PCDHGA11: variants seen among roughly 807,000 people sequenced by gnomAD.
PCDHGA11 encodes the protein protocadherin gamma-A11.
In PCDHGA11, 39 loss-of-function variants were observed where a neutral mutation model predicts 60.4. The observed-to-expected ratio is 0.65, with a 90% confidence interval of 0.50 to 0.84. The LOEUF is 0.84. PCDHGA11 is among the 40% of genes least tolerant of loss of function. The probability of loss-of-function intolerance (pLI) is 0.00; values close to 1 mark genes in which losing one functional copy is unlikely to be tolerated. For missense variants in PCDHGA11, 1,165 were observed against 1,197.7 expected, an observed-to-expected ratio of 0.97 and a Z score of 0.40; for synonymous variants, 533 against 510.3, an observed-to-expected ratio of 1.04 and a Z score of -0.60.
chr5:141,469,676 A>G (rs1227075639), intron 1 of PCDHGA11, among the ~76,000 whole-genome samples: 1 of 152,250 alleles, frequency 6.6e-6, no homozygotes, highest in African/African-American at 2.4e-5. Context: ...ATAAAACTAC[A>G]TATGCATTGG....
chr5:141,486,608 G>A lies in PCDHGA11; in HGVS notation c.2434-8199G>A. On this transcript the variant is annotated intron_variant, in intron 1 of 3. Transcript: ENST00000398587. The surrounding 1 kb of genome is among the most constrained non-coding windows in gnomAD (Gnocchi z 5.0). ...AGGGGACCTGCTTTGCTCCCTTGCAGCCTCTGACCCAGACTCTGGCTTGAA... is the reference window on the plus strand; with the variant it reads ...AGGGGACCTGCTTTGCTCCCTTGCAACCTCTGACCCAGACTCTGGCTTGAA... 3 of 1,613,546 alleles carry A rather than the reference G, an allele frequency of 1.9e-6. No homozygotes were observed. The highest frequency in any genetic ancestry group is 2.5e-6 in the Non-Finnish European group (3 of 1,180,024).
intron 1 of PCDHGA11, among the ~76,000 whole-genome samples, chr5:141,482,052 T>G (rs2099551017): frequency 6.7e-6 from 1 of 150,154 alleles, no homozygotes; most frequent in Non-Finnish European, 1.5e-5. Flanking sequence ...GCTGTTGCAT[T>G]CCAGCCTGGG....
At chr5:141,465,779 G>A (rs1199779963) in intron 1 of PCDHGA11, among the ~76,000 whole-genome samples, 2 of 145,170 alleles carry the variant, frequency 1.4e-5, no homozygotes, top group African/African-American at 5.0e-5. Flanking sequence ...TCTTGTTACA[G>A]TTTTTTTTTT....
rs769641310 is a variant in PCDHGA11, at chr5:141,477,421, T to G, written c.2434-17386T>G. 1.7e-5 allele frequency: 28 copies of G among 1,614,172 alleles called. No individual in the cohort carries two copies. Among genetic ancestry groups the G allele is most frequent in the Non-Finnish European group, 2.3e-5 (27 of 1,180,028 alleles). On this transcript the variant is annotated intron_variant, in intron 1 of 3. Coordinates refer to ENST00000398587, the MANE Select transcript of PCDHGA11 (RefSeq NM_018914.3). The surrounding 1 kb of genome is among the most constrained non-coding windows in gnomAD (Gnocchi z 4.9). ...TCACCGCCCGAGACGCCGGAACCCC[T>G]TCCCTCTCAGCCCTTACAATAGTGC...
Position 141,485,449 on chromosome 5 carries a change from A to G in PCDHGA11, c.2434-9358A>G, listed in dbSNP as rs2099613844. 6.2e-7 allele frequency: 1 copy of G among 1,614,054 alleles called. No homozygotes were observed. The highest frequency in any genetic ancestry group is 2.2e-5 in the East Asian group (1 of 44,876). On this transcript the variant is annotated intron_variant, in intron 1 of 3. Coordinates refer to ENST00000398587, the MANE Select transcript of PCDHGA11 (RefSeq NM_018914.3). The surrounding 1 kb of genome is among the most constrained non-coding windows in gnomAD (Gnocchi z 5.7). ...TGCTCATCAAGAACCCAATCGACCG[A>G]GAGGCACTGTGTGGGCTCAGTGCCA...
rs767107885 is a variant in PCDHGA11, at chr5:141,423,138, C to T, written c.1911C>T (p.Asp637=). ...VRTARALLDR[D]ALKQSLVVAV... is the part of the protein sequence containing the mutation. ...CAGCGCGGGCACTGCTGGACAGAGA[C>T]GCGCTCAAGCAGAGCCTCGTGGTGG... Residue 637 remains aspartate, a synonymous_variant, in exon 1 of 4, where the codon GAC becomes GAT. Transcript: ENST00000398587. 2.5e-6 allele frequency: 4 copies of T among 1,613,606 alleles called. 1 individual carries two copies. The highest frequency in any genetic ancestry group is 3.4e-6 in the Non-Finnish European group (4 of 1,179,912).
rs933089146 is a variant in PCDHGA11, at chr5:141,490,786, A to G, written c.2434-4021A>G. ...GTATGTCAACCCAGAGGATGGACGGATCTTTGCCCAGCGTACCTTTGACTA... is the reference window on the plus strand; with the variant it reads ...GTATGTCAACCCAGAGGATGGACGGGTCTTTGCCCAGCGTACCTTTGACTA... On this transcript the variant is annotated intron_variant, in intron 1 of 3. Coordinates refer to ENST00000398587, the MANE Select transcript of PCDHGA11 (RefSeq NM_018914.3). This position sits in a 1 kb window ranked among gnomAD's most constrained non-coding sequence, Gnocchi z 5.4. The G allele has an allele frequency of 1.9e-6, 3 of 1,614,056 alleles. No individual in the cohort carries two copies. The highest frequency in any genetic ancestry group is 1.7e-5 in the Admixed American group (1 of 60,016).
chr5:141,465,836 A>G (rs974075792), intron 1 of PCDHGA11, among the ~76,000 whole-genome samples: 1 of 151,774 alleles, frequency 6.6e-6, no homozygotes, highest in East Asian at 1.9e-4. Context: ...TAAAATTTCA[A>G]CTGAGGCTGG....
At chr5:141,510,799 C>G in intron 3 of PCDHGA11, 148 bp from the exon 4 acceptor site, 1 of 1,481,460 alleles carries the variant, frequency 6.8e-7, no homozygotes. Context: ...TGAAGAGAGA[C>G]TACCTTGGTG....
chr5:141,448,763 A>AC (rs1372638258), intron 1 of PCDHGA11, among the ~76,000 whole-genome samples: 11 of 151,572 alleles, frequency 7.3e-5, no homozygotes, highest in Admixed American at 5.3e-4. Flanking sequence ...ACACGGTGAA[A>AC]CCCCGTCTGT....
In PCDHGA11 at chr5:141,502,614, T is replaced by C. The variant is rs534996288; in HGVS notation, c.2493-2779T>C. Among the ~76,000 whole-genome samples the C allele has an allele frequency of 7.2e-5, 11 of 152,316 alleles. No homozygotes were observed. In the East Asian group the frequency reaches 1.7e-3, roughly 24 times the overall value. ...AGATATTTTAAAATATTTGTGAAAATATAAGTAATCTGTGGATGATACTTT... is the reference window on the plus strand; with the variant it reads ...AGATATTTTAAAATATTTGTGAAAACATAAGTAATCTGTGGATGATACTTT... On this transcript the variant is annotated intron_variant, in intron 2 of 3. Transcript: ENST00000398587.
intron 1 of PCDHGA11, chr5:141,428,109 G>A: frequency 1.2e-6 from 2 of 1,607,850 alleles, no homozygotes; most frequent in Non-Finnish European, 1.7e-6. Context: ...CGTGCTGCAG[G>A]CCATCGAGCC....
chr5:141,481,835 C>T (rs892868552), intron 1 of PCDHGA11, among the ~76,000 whole-genome samples: 5 of 149,932 alleles, frequency 3.3e-5, no homozygotes, highest in Non-Finnish European at 7.4e-5. Flanking sequence ...GCAGGAGAAT[C>T]GCTTGATGGT....
chr5:141,429,955 A>G (rs971940539), intron 1 of PCDHGA11, among the ~76,000 whole-genome samples: 1 of 152,202 alleles, frequency 6.6e-6, no homozygotes, highest in Non-Finnish European at 1.5e-5. Context: ...TTTCCAGTCA[A>G]TGCAAGTTGG....
intron 2 of PCDHGA11, among the ~76,000 whole-genome samples, chr5:141,501,288 T>TAC (rs1562199973): frequency 3.7e-5 from 3 of 81,228 alleles, no homozygotes; most frequent in South Asian, 4.2e-4. Context: ...GATATTCCCT[T>TAC]ATACACACAC....
In PCDHGA11 at chr5:141,486,157, AG is replaced by A. The variant is rs1562110605; in HGVS notation, c.2434-8649del. 1 of 1,614,208 alleles carries A rather than the reference AG, an allele frequency of 6.2e-7. No homozygotes were observed. Among genetic ancestry groups the A allele is most frequent in the Admixed American group, 1.7e-5 (1 of 60,026 alleles). On this transcript the variant is annotated intron_variant, in intron 1 of 3. Coordinates refer to ENST00000398587, the MANE Select transcript of PCDHGA11 (RefSeq NM_018914.3). This position sits in a 1 kb window ranked among gnomAD's most constrained non-coding sequence, Gnocchi z 5.0. ...TGCGGGCTCGCGATGGGGGTTCTCC[AG>A]CCATGGAGCAACATTGCAGCCTTCG...
chr5:141,493,336 A>G lies in PCDHGA11; in HGVS notation c.2434-1471A>G, dbSNP rs1049621539. Among the ~76,000 whole-genome samples, 4 of 152,202 alleles carry G rather than the reference A, an allele frequency of 2.6e-5. No homozygotes were observed. Among genetic ancestry groups the G allele is most frequent in the African/African-American group, 9.7e-5 (4 of 41,450 alleles). On this transcript the variant is annotated intron_variant, in intron 1 of 3. Transcript: ENST00000398587. The surrounding 1 kb of genome is among the most constrained non-coding windows in gnomAD (Gnocchi z 4.3). ...GAGATTCTAACCCCTGTCTAACTCC[A>G]GAATGTGTGCTTTTAATTTCTTGGC...
intron 1 of PCDHGA11, chr5:141,492,018 G>A: frequency 1.7e-6 from 1 of 585,594 alleles, no homozygotes; most frequent in Admixed American, 3.7e-5. Flanking sequence ...GGGTGTCGGG[G>A]GTCCCGGGAG....
At chr5:141,423,994 A>G (rs2096794168) in intron 1 of PCDHGA11, 17 of 1,081,216 alleles carry the variant, frequency 1.6e-5, no homozygotes, top group Non-Finnish European at 1.8e-5. Flanking sequence ...TCAATTTATT[A>G]TATATAGATA....
Sources: gnomAD v4.1 joint callset for allele counts (sites outside exome capture counted in the v4.1 genomes callset) on GRCh38, gnomAD v4.1.1 for gene constraint, Gnocchi (gnomAD v3.1) non-coding constraint, MANE v1.5 for transcripts, NCBI Gene and HGNC (gene_info 2026-07-23, HGNC 2026-07-21) for gene names.